IMMP1L: variants seen among roughly 807,000 people sequenced by gnomAD.
The protein encoded by IMMP1L is mitochondrial inner membrane protease subunit 1.
Under a neutral mutation model 21.8 loss-of-function variants are expected in IMMP1L, and 24 were observed. The ratio of observed to expected loss-of-function variants is 1.10; its 90% CI spans 0.80 to 1.55. The LOEUF (loss-of-function observed/expected upper bound fraction) is 1.55. Ranked by LOEUF, IMMP1L falls within the 40% of genes most tolerant of loss-of-function variation. IMMP1L has a pLI of 0.00. For synonymous variants in IMMP1L, 46 were observed against 62.8 expected, an observed-to-expected ratio of 0.73 and a Z score of 1.26; for missense variants, 195 against 200.7, an observed-to-expected ratio of 0.97 and a Z score of 0.17.
At chr11:31,473,895 C>T (rs990430005) in intron 1 of IMMP1L, 13 of 217,350 alleles carry the variant, frequency 6.0e-5, no homozygotes, top group African/African-American at 9.4e-5. Context: ...AATGTTAAGA[C>T]CATCGGTTTA....
intron 1 of IMMP1L, among the ~76,000 whole-genome samples, chr11:31,468,307 A>G (rs116206097): frequency 9.3e-4 from 141 of 152,294 alleles, no homozygotes; most frequent in African/African-American, 3.2e-3. Context: ...ATTTTGAGAA[A>G]AATGCTATGA....
intron 2 of IMMP1L, among the ~76,000 whole-genome samples, chr11:31,462,634 T>C (rs1448076004): frequency 2.0e-5 from 3 of 152,188 alleles, no homozygotes; most frequent in Non-Finnish European, 4.4e-5. Flanking sequence ...TAATTACAGA[T>C]GATTAATTTG....
At chr11:31,454,096 G>T (rs1953853490) in intron 4 of IMMP1L, among the ~76,000 whole-genome samples, 1 of 152,118 alleles carries the variant, frequency 6.6e-6, no homozygotes. Context: ...ATTCTCAACA[G>T]TATGGAGGAA....
At position 31,467,780 on chromosome 11, in the gene IMMP1L, A is replaced by ATTTT. The variant is rs34229840; in HGVS notation, c.-29-4479_-29-4476dup. On this transcript the variant is annotated intron_variant, in intron 1 of 5. Transcript: ENST00000532287. ...TATTTGAAAAGTATCAAAGTAGATA[A>ATTTT]TTTTTTTTTTTTTTTTTACAAAGGG... 1.4e-4 allele frequency among the ~76,000 whole-genome samples: 20 copies of ATTTT among 143,562 alleles called. No individual in the cohort carries two copies. In the South Asian group the frequency reaches 1.8e-3, roughly 13 times the overall value. The allele number at this position is 143,562 out of a possible 152,430, so 94.2% of individuals were successfully genotyped here. A position where few individuals can be genotyped will look rare whatever the true frequency, so the allele number is the denominator to read the frequency against.
intron 4 of IMMP1L, among the ~76,000 whole-genome samples, chr11:31,447,542 C>G (rs1286039485): frequency 6.6e-6 from 1 of 152,150 alleles, no homozygotes; most frequent in Non-Finnish European, 1.5e-5. Context: ...TTTAAATTAC[C>G]TATAATTGTA....
chr11:31,501,790 C>CAAATAAATAAAT (rs55861509), intron 1 of IMMP1L, among the ~76,000 whole-genome samples: 150 of 139,680 alleles, frequency 1.1e-3, no homozygotes, highest in African/African-American at 3.7e-3. Context: ...CCCATCTCTA[C>CAAATAAATAAAT]AAATAAATAA....
intron 1 of IMMP1L, among the ~76,000 whole-genome samples, chr11:31,467,974 A>C (rs1434189423): frequency 1.3e-5 from 2 of 152,120 alleles, no homozygotes; most frequent in Non-Finnish European, 2.9e-5. Flanking sequence ...GATCATGAAC[A>C]ATCAAAACAC....
At chr11:31,483,294 A>T (rs1954961781) in intron 1 of IMMP1L, among the ~76,000 whole-genome samples, 1 of 152,010 alleles carries the variant, frequency 6.6e-6, no homozygotes, top group Non-Finnish European at 1.5e-5. Flanking sequence ...CAAAGTGTGC[A>T]CTTTCCTGTA....
chr11:31,469,502 T>C (rs758101239), intron 1 of IMMP1L, among the ~76,000 whole-genome samples: 6 of 152,222 alleles, frequency 3.9e-5, no homozygotes, highest in Non-Finnish European at 7.3e-5. Context: ...TTCTGCCTAC[T>C]AGGCTCAGCC....
chr11:31,458,736 A>G (rs904338844), intron 3 of IMMP1L, among the ~76,000 whole-genome samples: 11 of 152,210 alleles, frequency 7.2e-5, no homozygotes, highest in African/African-American at 2.7e-4. Flanking sequence ...TTACTTTGGT[A>G]TATCTCATAA....
chr11:31,491,653 T>G (rs1457799609), intron 1 of IMMP1L, among the ~76,000 whole-genome samples: 1 of 152,212 alleles, frequency 6.6e-6, no homozygotes, highest in Non-Finnish European at 1.5e-5. Context: ...ATTTGGAGAT[T>G]TCTTAACCTA....
chr11:31,476,052 G>GAT (rs1308338108), intron 1 of IMMP1L, among the ~76,000 whole-genome samples: 3 of 152,022 alleles, frequency 2.0e-5, no homozygotes, highest in Admixed American at 6.6e-5. Flanking sequence ...GTTATGCTGA[G>GAT]ATAATAGCCT....
At chr11:31,471,663 G>A (rs941840548) in intron 1 of IMMP1L, among the ~76,000 whole-genome samples, 2 of 152,068 alleles carry the variant, frequency 1.3e-5, no homozygotes, top group African/African-American at 4.8e-5. Context: ...TCAGTTTGAT[G>A]GTAGAAAAAT....
intron 1 of IMMP1L, among the ~76,000 whole-genome samples, chr11:31,492,208 T>C (rs1394580600): frequency 6.6e-6 from 1 of 152,232 alleles, no homozygotes; most frequent in African/African-American, 2.4e-5. Flanking sequence ...TCAACTATCT[T>C]TGCTAGATAG....
At chr11:31,481,768 T>C (rs1475933681) in intron 1 of IMMP1L, among the ~76,000 whole-genome samples, 2 of 151,922 alleles carry the variant, frequency 1.3e-5, no homozygotes, top group East Asian at 3.8e-4. Context: ...AATTTTCAAA[T>C]AGCTAGCATT....
chr11:31,493,150 GT>G (rs1955312864), intron 1 of IMMP1L, among the ~76,000 whole-genome samples: 1 of 152,144 alleles, frequency 6.6e-6, no homozygotes, highest in Non-Finnish European at 1.5e-5. Flanking sequence ...CAAAACAACT[GT>G]ATTACTCCAT....
intron 1 of IMMP1L, among the ~76,000 whole-genome samples, chr11:31,485,082 G>T (rs1331062138): frequency 1.3e-5 from 2 of 151,634 alleles, no homozygotes; most frequent in Admixed American, 1.3e-4. Flanking sequence ...TTTATAAATG[G>T]ATACGAAGTC....
At chr11:31,466,676 T>C (rs1954366366) in intron 1 of IMMP1L, among the ~76,000 whole-genome samples, 1 of 152,092 alleles carries the variant, frequency 6.6e-6, no homozygotes, top group Non-Finnish European at 1.5e-5. Context: ...AAATACCTTA[T>C]GTTTTCACTC....
intron 4 of IMMP1L, chr11:31,452,256 A>G: frequency 5.1e-6 from 5 of 984,760 alleles, no homozygotes; most frequent in Non-Finnish European, 6.0e-6. Flanking sequence ...CAAAATGCCT[A>G]TTTCATAGTT....
Sources: allele counts gnomAD v4.1 joint callset (sites outside exome capture counted in the v4.1 genomes callset), GRCh38; gene constraint gnomAD v4.1.1; transcripts MANE v1.5; gene names NCBI Gene and HGNC (gene_info 2026-07-23, HGNC 2026-07-21).